The following RAB6B variants were observed in gnomAD, a reference collection of about 807,000 sequenced individuals.
The protein encoded by RAB6B is RAB6B, member RAS oncogene family.
Under a neutral mutation model 31.2 loss-of-function variants are expected in RAB6B, and 7 were observed. The observed-to-expected ratio is 0.22, with a 90% CI of 0.13 to 0.42. The LOEUF (loss-of-function observed/expected upper bound fraction) is 0.42, where lower values mean the gene tolerates loss of function less well. RAB6B is among the 10% of genes least tolerant of loss of function. RAB6B has a pLI of 1.00. For synonymous variants in RAB6B, 105 were observed against 104.9 expected, an observed-to-expected ratio of 1.00 and a Z score of -0.01; for missense variants, 149 against 280.6, an observed-to-expected ratio of 0.53 and a Z score of 3.35.
chr3:133,894,067 C>G (rs534926959), intron 1 of RAB6B, among the ~76,000 whole-genome samples: 1 of 152,372 alleles, frequency 6.6e-6, no homozygotes, highest in Admixed American at 6.5e-5. Context: ...GAGCCAGCCA[C>G]GTGACCTCCA....
At chr3:133,846,007 G>A (rs958335548) in intron 2 of RAB6B, among the ~76,000 whole-genome samples, 1 of 152,168 alleles carries the variant, frequency 6.6e-6, no homozygotes, top group African/African-American at 2.4e-5. Context: ...AATAACAGTA[G>A]CTAGGACACT....
At chr3:133,855,721 G>T (rs1006487993) in intron 2 of RAB6B, among the ~76,000 whole-genome samples, 105 of 152,300 alleles carry the variant, frequency 6.9e-4, no homozygotes, top group Non-Finnish European at 1.1e-3. Flanking sequence ...AATGAATTAG[G>T]AGAGATTACT....
chr3:133,830,003 A>G (rs957564772), intron 7 of RAB6B, among the ~76,000 whole-genome samples: 2 of 152,246 alleles, frequency 1.3e-5, no homozygotes, highest in South Asian at 2.1e-4. Context: ...ATAAATGAGT[A>G]AATAGATACT....
At chr3:133,859,888 A>G (rs1291853973) in intron 2 of RAB6B, among the ~76,000 whole-genome samples, 2 of 152,218 alleles carry the variant, frequency 1.3e-5, no homozygotes, top group Admixed American at 1.3e-4. Context: ...ATTTCATTAA[A>G]TCAACGTACA....
At chr3:133,828,923 T>G in intron 7 of RAB6B, 71 bp from the exon 8 acceptor site, 6 of 1,348,848 alleles carry the variant, frequency 4.4e-6, no homozygotes, top group South Asian at 1.4e-5. Context: ...CTGTGCACTG[T>G]ACCCTTTGGC....
rs1203219712 is a variant in RAB6B, at chr3:133,826,164, G to A, written c.*2624C>T. On this transcript the variant is annotated 3_prime_UTR_variant, in exon 8 of 8. Coordinates refer to ENST00000285208, the MANE Select transcript of RAB6B (RefSeq NM_016577.4). The stretch of plus-strand genomic sequence containing the variant: ...GAGCGCCATGGAACCACTGAGATGG[G>A]AGGATGGGAGGAAGCCACCCTCAGC... 6.6e-6 allele frequency: 1 copy of A among 152,266 alleles called. No homozygotes were observed. Among genetic ancestry groups the A allele is most frequent in the African/African-American group, 2.4e-5 (1 of 41,456 alleles). 9.4% of individuals were successfully genotyped at this position (152,266 alleles called of 1,614,324 possible). A position where few individuals can be genotyped will look rare whatever the true frequency, so the allele number is the denominator to read the frequency against.
At chr3:133,850,854 C>CATA (rs1935974353) in intron 2 of RAB6B, among the ~76,000 whole-genome samples, 1 of 151,928 alleles carries the variant, frequency 6.6e-6, no homozygotes, top group Non-Finnish European at 1.5e-5. Context: ...CATGTCTATT[C>CATA]ATAACAGAGT....
chr3:133,864,277 A>G (rs543386878), intron 2 of RAB6B, among the ~76,000 whole-genome samples: 1 of 152,276 alleles, frequency 6.6e-6, no homozygotes, highest in South Asian at 2.1e-4. Context: ...CCTCTTCCAC[A>G]TGATGACTCC....
chr3:133,878,941 G>A (rs190596648), intron 1 of RAB6B, among the ~76,000 whole-genome samples: 1 of 152,214 alleles, frequency 6.6e-6, no homozygotes, highest in African/African-American at 2.4e-5. Flanking sequence ...GGCAGAAGGA[G>A]CAGGATACCC....
intron 2 of RAB6B, among the ~76,000 whole-genome samples, chr3:133,858,907 C>T (rs62280642): frequency 0.076 from 11,617 of 152,128 alleles, 708 homozygotes; most frequent in African/African-American, 0.18. Context: ...GAATTTAACC[C>T]CTGTATCATC....
chr3:133,841,720 A>T (rs1377325829), intron 2 of RAB6B, 57 bp from the exon 3 acceptor site: 3 of 1,574,620 alleles, frequency 1.9e-6, no homozygotes, highest in Non-Finnish European at 2.6e-6. Context: ...AAAGGGGCAA[A>T]AGCCTAGCGA....
rs1559897411 is a variant in RAB6B, at chr3:133,828,729, CAAT to C, written c.*56_*58del. The C allele has an allele frequency of 5.3e-6, 8 of 1,520,228 alleles. No individual in the cohort carries two copies. The Admixed American group carries it at 1.3e-4, about 25-fold the overall frequency. 94.2% of individuals were successfully genotyped at this position (1,520,228 alleles called of 1,614,324 possible). ...TTCCCTCCCCCCTTAGGAAGCTAGCCAATAGGAAGCAACACAACAAGCAAGGAG... is the reference window on the plus strand; with the variant it reads ...TTCCCTCCCCCCTTAGGAAGCTAGCCAGGAAGCAACACAACAAGCAAGGAG... On this transcript the variant is annotated 3_prime_UTR_variant, in exon 8 of 8. Transcript: ENST00000285208.
At chr3:133,894,078 T>A (rs1051472203) in intron 1 of RAB6B, among the ~76,000 whole-genome samples, 5 of 152,208 alleles carry the variant, frequency 3.3e-5, no homozygotes, top group Non-Finnish European at 5.9e-5. Context: ...GTGACCTCCA[T>A]AACCCTCATG....
intron 1 of RAB6B, among the ~76,000 whole-genome samples, chr3:133,887,106 C>T (rs1936559670): frequency 6.6e-6 from 1 of 152,160 alleles, no homozygotes; most frequent in Non-Finnish European, 1.5e-5. Context: ...TGGCTCTGTC[C>T]TTTCCCTGCC....
chr3:133,852,598 G>A (rs1334354817), intron 2 of RAB6B, among the ~76,000 whole-genome samples: 1 of 151,546 alleles, frequency 6.6e-6, no homozygotes, highest in Non-Finnish European at 1.5e-5. Context: ...AGCCTCCCAA[G>A]TAGTTGGAAC....
At chr3:133,881,012 C>T (rs1936459485) in intron 1 of RAB6B, among the ~76,000 whole-genome samples, 1 of 152,218 alleles carries the variant, frequency 6.6e-6, no homozygotes, top group African/African-American at 2.4e-5. Flanking sequence ...GGCCAGGAGG[C>T]CCACTGTGTC....
At chr3:133,893,716 A>G (rs768489494) in intron 1 of RAB6B, among the ~76,000 whole-genome samples, 2 of 152,166 alleles carry the variant, frequency 1.3e-5, no homozygotes, top group Non-Finnish European at 2.9e-5. Flanking sequence ...AGTCACAGAG[A>G]GGCCTCAAAT....
At chr3:133,886,518 GTGAGTCTGTCCCAC>G (rs1936549543) in intron 1 of RAB6B, among the ~76,000 whole-genome samples, 1 of 152,168 alleles carries the variant, frequency 6.6e-6, no homozygotes, top group Non-Finnish European at 1.5e-5. Context: ...AGCAGGCATG[GTGAGTCTGTCCCAC>G]TTTTTGCCAG....
At chr3:133,860,577 G>T (rs961942448) in intron 2 of RAB6B, among the ~76,000 whole-genome samples, 2 of 152,240 alleles carry the variant, frequency 1.3e-5, no homozygotes, top group South Asian at 2.1e-4. Flanking sequence ...GCCTCAGGGC[G>T]GAGCGGCAGG....
Sources: allele counts gnomAD v4.1 joint callset (sites outside exome capture counted in the v4.1 genomes callset), GRCh38; gene constraint gnomAD v4.1.1; transcripts MANE v1.5; gene names NCBI Gene and HGNC (gene_info 2026-07-23, HGNC 2026-07-21).